CEP112: variants seen among roughly 807,000 people sequenced by gnomAD.
The protein encoded by CEP112 is centrosomal protein of 112 kDa.
CEP112 carries 127 observed loss-of-function variants against 153.0 expected under a neutral mutation model. That is an observed-to-expected ratio of 0.83 (90% CI 0.72 to 0.96). CEP112 has a LOEUF of 0.96. Among genes scored for constraint, CEP112 ranks in the 40% least tolerant of loss-of-function variants. The pLI, the probability that CEP112 is intolerant of heterozygous loss-of-function variation, is 0.00. For missense variants in CEP112, 1,089 were observed against 1,101.2 expected (o/e 0.99, Z 0.16); for synonymous variants, 358 against 374.4 (o/e 0.96, Z 0.51).
At chr17:66,035,684 G>C (rs150586274) in intron 12 of CEP112, among the ~76,000 whole-genome samples, 2 of 152,124 alleles carry the variant, frequency 1.3e-5, no homozygotes, top group Non-Finnish European at 2.9e-5. Context: ...TGTATAAACG[G>C]CATAGCATAA....
At chr17:65,718,396 G>A (rs1005662939) in intron 23 of CEP112, among the ~76,000 whole-genome samples, 1 of 145,142 alleles carries the variant, frequency 6.9e-6, no homozygotes, top group Non-Finnish European at 1.5e-5. Context: ...CAACAAGAGC[G>A]AAACTCCATC....
intron 17 of CEP112, among the ~76,000 whole-genome samples, chr17:66,002,959 T>C (rs1348837713): frequency 1.3e-5 from 2 of 152,232 alleles, no homozygotes; most frequent in African/African-American, 4.8e-5. Context: ...AAAATGGAAC[T>C]GTCTCTGGGC....
chr17:66,129,920 G>A (rs754982147), intron 5 of CEP112, 97 bp from the exon 6 acceptor site: 21 of 642,186 alleles, frequency 3.3e-5, no homozygotes, highest in Non-Finnish European at 4.5e-5. Context: ...AGATAGAAGA[G>A]ATAAAGGGAA....
intron 4 of CEP112, among the ~76,000 whole-genome samples, chr17:66,144,323 G>GT (rs2146633516): frequency 6.6e-6 from 1 of 152,242 alleles, no homozygotes; most frequent in East Asian, 1.9e-4. Flanking sequence ...AAATTAAACA[G>GT]TATGTACATG....
At chr17:65,955,437 AT>A (rs1483518516) in intron 18 of CEP112, among the ~76,000 whole-genome samples, 1 of 152,176 alleles carries the variant, frequency 6.6e-6, no homozygotes, top group Non-Finnish European at 1.5e-5. Flanking sequence ...CAATAACATA[AT>A]TAAAAAACAG....
In CEP112 at chr17:65,676,927, G is replaced by A. The variant is rs183796345; in HGVS notation, c.2697+12202C>T. Among the ~76,000 whole-genome samples the A allele has an allele frequency of 6.0e-4, 91 of 152,200 alleles. 1 individual carries two copies. Among genetic ancestry groups the A allele is most frequent in the African/African-American group, 2.1e-3 (89 of 41,522 alleles). ...AAATTGCTGCTCTGGTTTCAACTGGGGGAGCCTGGCCTGGAGCACCACCCC... is the reference window on the plus strand; with the variant it reads ...AAATTGCTGCTCTGGTTTCAACTGGAGGAGCCTGGCCTGGAGCACCACCCC... On this transcript the variant is annotated intron_variant, in intron 24 of 26. Coordinates refer to ENST00000535342, the MANE Select transcript of CEP112 (RefSeq NM_001199165.4).
Position 66,192,021 on chromosome 17 carries a change from C to G in CEP112, c.-33G>C, listed in dbSNP as rs1356315701. On this transcript the variant is annotated 5_prime_UTR_variant, in exon 1 of 27. Coordinates refer to ENST00000535342, the MANE Select transcript of CEP112 (RefSeq NM_001199165.4). ...CCTGGCACCACCACACGCAAGCTTTCCGCTCGGCCGCTGCCGCCAACGCCG... is the reference window on the plus strand; with the variant it reads ...CCTGGCACCACCACACGCAAGCTTTGCGCTCGGCCGCTGCCGCCAACGCCG... 1 of 154,260 alleles carries G rather than the reference C, an allele frequency of 6.5e-6. No individual in the cohort carries two copies. Among genetic ancestry groups the G allele is most frequent in the African/African-American group, 2.4e-5 (1 of 41,468 alleles). The allele number at this position is 154,260 out of a possible 1,614,324, so 9.6% of individuals were successfully genotyped here.
At chr17:65,678,754 C>T (rs1019983180) in intron 24 of CEP112, among the ~76,000 whole-genome samples, 8 of 152,150 alleles carry the variant, frequency 5.3e-5, no homozygotes, top group East Asian at 1.9e-4. Context: ...GTGATGCAGT[C>T]GGTGCTTTGC....
chr17:66,110,193 G>A (rs1436062206), intron 6 of CEP112, among the ~76,000 whole-genome samples: 4 of 151,940 alleles, frequency 2.6e-5, no homozygotes, highest in African/African-American at 7.3e-5. Flanking sequence ...TTAGCCAGGC[G>A]TGGTTGTACA....
chr17:65,804,972 C>T (rs1054313997), intron 21 of CEP112, among the ~76,000 whole-genome samples: 2 of 151,956 alleles, frequency 1.3e-5, no homozygotes, highest in Non-Finnish European at 2.9e-5. Context: ...CCTCAGCCTC[C>T]AGAGTAGATT....
intron 23 of CEP112, among the ~76,000 whole-genome samples, chr17:65,694,227 C>CA (rs1253350484): frequency 1.3e-5 from 2 of 152,132 alleles, no homozygotes; most frequent in South Asian, 2.1e-4. Context: ...CACACTCAGA[C>CA]AGGCAGAGGA....
intron 16 of CEP112, among the ~76,000 whole-genome samples, chr17:66,014,943 T>C (rs937122943): frequency 3.3e-5 from 5 of 152,216 alleles, no homozygotes; most frequent in Non-Finnish European, 7.3e-5. Context: ...TCTTGAGCAA[T>C]CCTTGCATCC....
At chr17:66,023,818 C>A (rs972811047) in intron 16 of CEP112, among the ~76,000 whole-genome samples, 1 of 152,004 alleles carries the variant, frequency 6.6e-6, no homozygotes, top group Non-Finnish European at 1.5e-5. Flanking sequence ...GGAATGAATG[C>A]TCTACTTAAA....
intron 17 of CEP112, among the ~76,000 whole-genome samples, chr17:65,984,034 C>T (rs940697906): frequency 1.3e-5 from 2 of 152,078 alleles, no homozygotes; most frequent in Non-Finnish European, 2.9e-5. Context: ...AGTCTAGATA[C>T]CAATTTAAGA....
At chr17:66,072,730 G>A (rs2067349726) in intron 8 of CEP112, among the ~76,000 whole-genome samples, 1 of 152,076 alleles carries the variant, frequency 6.6e-6, no homozygotes, top group South Asian at 2.1e-4. Flanking sequence ...TCTCTCCACT[G>A]CCATCCTTTT....
chr17:65,850,089 A>G (rs2057871728), intron 21 of CEP112, among the ~76,000 whole-genome samples: 1 of 144,618 alleles, frequency 6.9e-6, no homozygotes, highest in Non-Finnish European at 1.5e-5. Flanking sequence ...AGGTGCCGGA[A>G]GTTGCAGTGA....
At chr17:66,157,463 G>C (rs531214707) in intron 4 of CEP112, among the ~76,000 whole-genome samples, 52 of 152,210 alleles carry the variant, frequency 3.4e-4, no homozygotes, top group African/African-American at 1.2e-3. Flanking sequence ...TGAAGAAACT[G>C]CATCAACTAA....
intron 20 of CEP112, among the ~76,000 whole-genome samples, chr17:65,892,567 C>T (rs1290625887): frequency 6.6e-6 from 1 of 151,776 alleles, no homozygotes; most frequent in Non-Finnish European, 1.5e-5. Context: ...AGAGAGGTGA[C>T]ATCACAGGAG....
Position 66,132,555 on chromosome 17 carries a change from C to T in CEP112, c.564+115G>A. 3 of 756,654 alleles carry T rather than the reference C, an allele frequency of 4.0e-6. No homozygotes were observed. In the South Asian group the frequency reaches 5.0e-5, roughly 13 times the overall value. 46.9% of individuals were successfully genotyped at this position (756,654 alleles called of 1,614,324 possible). ...CATCAGGATGTTCACCAGAATCATC[C>T]AACTTTATTCTGTTTTGAAGCAATC... On this transcript the variant is annotated intron_variant, in intron 5 of 26. Coordinates refer to ENST00000535342, the MANE Select transcript of CEP112 (RefSeq NM_001199165.4).
Sources: allele counts gnomAD v4.1 joint callset (sites outside exome capture counted in the v4.1 genomes callset), GRCh38; gene constraint gnomAD v4.1.1; transcripts MANE v1.5; gene names NCBI Gene and HGNC (gene_info 2026-07-23, HGNC 2026-07-21).